THSD7A: variants seen among roughly 807,000 people sequenced by gnomAD.
The protein encoded by THSD7A is thrombospondin type-1 domain-containing protein 7A.
Under a neutral mutation model 231.3 loss-of-function variants are expected in THSD7A, and 96 were observed. The ratio of observed to expected loss-of-function variants is 0.41; its 90% CI spans 0.35 to 0.49. The LOEUF is 0.49. THSD7A is among the 20% of genes least tolerant of loss of function. The pLI is 0.05. For missense variants in THSD7A, 2,290 were observed against 2,070.2 expected (o/e 1.11, Z -2.06); for synonymous variants, 940 against 743.3 (o/e 1.26, Z -4.30).
At chr7:11,770,193 T>TAG (rs900161874) in intron 1 of THSD7A, among the ~76,000 whole-genome samples, 1 of 152,112 alleles carries the variant, frequency 6.6e-6, no homozygotes, top group African/African-American at 2.4e-5. Context: ...CACCCTCTAT[T>TAG]ATATTTAAAG....
At chr7:11,517,053 G>C (rs1334854302) in intron 6 of THSD7A, among the ~76,000 whole-genome samples, 2 of 152,086 alleles carry the variant, frequency 1.3e-5, no homozygotes, top group African/African-American at 2.4e-5. Flanking sequence ...GTTTAAGCAA[G>C]AGAACATATA....
At chr7:11,640,093 G>A (rs1452589859) in intron 1 of THSD7A, among the ~76,000 whole-genome samples, 1 of 152,144 alleles carries the variant, frequency 6.6e-6, no homozygotes, top group African/African-American at 2.4e-5. Context: ...CTCACGTAAT[G>A]TTTAAATGTT....
At chr7:11,447,029 C>G (rs1192028179) in intron 12 of THSD7A, among the ~76,000 whole-genome samples, 1 of 152,122 alleles carries the variant, frequency 6.6e-6, no homozygotes, top group Non-Finnish European at 1.5e-5. Flanking sequence ...TATAGGGAGT[C>G]AGAGTTCAAT....
intron 1 of THSD7A, among the ~76,000 whole-genome samples, chr7:11,654,777 G>A (rs775070053): frequency 2.0e-5 from 3 of 151,842 alleles, no homozygotes; most frequent in African/African-American, 4.8e-5. Context: ...TCGCTTGATT[G>A]AAAAATCACA....
chr7:11,588,853 T>C (rs1372053751), intron 4 of THSD7A, among the ~76,000 whole-genome samples: 1 of 152,210 alleles, frequency 6.6e-6, no homozygotes, highest in Non-Finnish European at 1.5e-5. Context: ...TAACATTACA[T>C]GTTTTATGTT....
At chr7:11,496,265 A>G (rs1787094701) in intron 6 of THSD7A, among the ~76,000 whole-genome samples, 2 of 152,190 alleles carry the variant, frequency 1.3e-5, no homozygotes, top group Admixed American at 6.5e-5. Flanking sequence ...AAAACCATGG[A>G]AGTTGATTAA....
chr7:11,718,108 C>A (rs1170307954), intron 1 of THSD7A, among the ~76,000 whole-genome samples: 1 of 151,632 alleles, frequency 6.6e-6, no homozygotes, highest in Non-Finnish European at 1.5e-5. Flanking sequence ...ACCCTAAACA[C>A]CAGTTTGTAG....
chr7:11,483,771 G>T (rs1251457481), intron 6 of THSD7A, among the ~76,000 whole-genome samples: 1 of 152,058 alleles, frequency 6.6e-6, no homozygotes, highest in East Asian at 1.9e-4. Context: ...TGGAAAGCAA[G>T]AAAAGTTTGG....
At chr7:11,507,665 A>G (rs1583870475) in intron 6 of THSD7A, among the ~76,000 whole-genome samples, 1 of 151,790 alleles carries the variant, frequency 6.6e-6, no homozygotes, top group African/African-American at 2.4e-5. Context: ...ACTGCTAATA[A>G]TACTAATTTG....
intron 2 of THSD7A, 137 bp from the exon 3 acceptor site, chr7:11,593,639 C>T (rs1177290426): frequency 9.5e-7 from 1 of 1,047,918 alleles, no homozygotes; most frequent in Non-Finnish European, 1.4e-6. Flanking sequence ...GAAAATACAT[C>T]AACATTTATG....
chr7:11,580,524 A>T (rs1791109249), intron 4 of THSD7A, among the ~76,000 whole-genome samples: 3 of 152,254 alleles, frequency 2.0e-5, no homozygotes, highest in Non-Finnish European at 2.9e-5. Flanking sequence ...ATACTTTTTT[A>T]AAAAATCACC....
intron 1 of THSD7A, among the ~76,000 whole-genome samples, chr7:11,747,140 T>G (rs752681236): frequency 1.1e-4 from 17 of 151,938 alleles, no homozygotes; most frequent in Non-Finnish European, 1.8e-4. Context: ...CACTTAAAAG[T>G]GAGAATTTAA....
intron 1 of THSD7A, among the ~76,000 whole-genome samples, chr7:11,768,018 A>G (rs1376909105): frequency 1.3e-5 from 2 of 152,202 alleles, no homozygotes; most frequent in Non-Finnish European, 2.9e-5. Flanking sequence ...CCTGTAATCT[A>G]GGAGTGATCA....
At chr7:11,816,184 C>T (rs891115838) in intron 1 of THSD7A, among the ~76,000 whole-genome samples, 2 of 152,160 alleles carry the variant, frequency 1.3e-5, no homozygotes, top group African/African-American at 4.8e-5. Flanking sequence ...CATGTTTGTT[C>T]CCCTGCACCT....
chr7:11,496,847 T>A (rs1787123071), intron 6 of THSD7A, among the ~76,000 whole-genome samples: 2 of 152,052 alleles, frequency 1.3e-5, no homozygotes, highest in Admixed American at 1.3e-4. Context: ...AGAACCAAAG[T>A]CAACAATCAT....
In THSD7A at chr7:11,411,430, C is replaced by T; in HGVS notation, c.3683-108G>A. 2.8e-6 allele frequency: 2 copies of T among 720,390 alleles called. No individual in the cohort carries two copies. The allele number at this position is 720,390 out of a possible 1,614,324, so 44.6% of individuals were successfully genotyped here. On this transcript the variant is annotated intron_variant, in intron 18 of 27. Transcript: ENST00000423059. This position sits in a 1 kb window ranked among gnomAD's most constrained non-coding sequence, Gnocchi z 4.1. ...ATTTAATTCACAACTGCTTCCTAAGCCCCATAATCAATCATCCCCCATGCA... is the reference window on the plus strand; with the variant it reads ...ATTTAATTCACAACTGCTTCCTAAGTCCCATAATCAATCATCCCCCATGCA...
intron 4 of THSD7A, among the ~76,000 whole-genome samples, chr7:11,545,472 C>G (rs772658755): frequency 1.3e-5 from 2 of 152,014 alleles, no homozygotes; most frequent in Non-Finnish European, 2.9e-5. Flanking sequence ...ACCAAGTGAC[C>G]AGACCATTAA....
intron 11 of THSD7A, among the ~76,000 whole-genome samples, chr7:11,454,057 G>A (rs562793314): frequency 6.6e-6 from 1 of 152,050 alleles, no homozygotes; most frequent in South Asian, 2.1e-4. Context: ...ATACACTAGT[G>A]ACTTGAATAG....
chr7:11,393,881 T>C (rs1459434258), intron 23 of THSD7A, among the ~76,000 whole-genome samples: 1 of 152,000 alleles, frequency 6.6e-6, no homozygotes, highest in Non-Finnish European at 1.5e-5. Flanking sequence ...AGACTAAATC[T>C]GCCTTTGATT....
Sources: allele counts gnomAD v4.1 joint callset (sites outside exome capture counted in the v4.1 genomes callset), GRCh38; gene constraint gnomAD v4.1.1; non-coding constraint Gnocchi (gnomAD v3.1); transcripts MANE v1.5; gene names NCBI Gene and HGNC (gene_info 2026-07-23, HGNC 2026-07-21).